Variants in DLG4 observed in about 807,000 individuals in gnomAD.
DLG4 encodes the protein discs large MAGUK scaffold protein 4, also known as disks large homolog 4.
DLG4 carries 7 observed loss-of-function variants against 93.8 expected under a neutral mutation model. That is an observed-to-expected ratio of 0.07 (90% CI 0.04 to 0.14). The LOEUF (loss-of-function observed/expected upper bound fraction) is 0.14. Among genes scored for constraint, DLG4 ranks in the 10% least tolerant of loss-of-function variants. The pLI, the probability that DLG4 is intolerant of heterozygous loss-of-function variation, is 1.00. For missense variants in DLG4, 545 were observed against 992.9 expected (o/e 0.55, Z 6.06); for synonymous variants, 341 against 387.6 (o/e 0.88, Z 1.41).
intron 1 of DLG4, among the ~76,000 whole-genome samples, chr17:7,209,101 A>G (rs1174092378): frequency 6.6e-6 from 1 of 152,088 alleles, no homozygotes; most frequent in African/African-American, 2.4e-5. Context: ...CTGGTTGGGG[A>G]GGAGGGTAGC....
chr17:7,207,901 AG>A lies in DLG4; in HGVS notation c.96+272del, dbSNP rs1449706839. Among the ~76,000 whole-genome samples the A allele has an allele frequency of 3.3e-5, 5 of 151,910 alleles. No individual in the cohort carries two copies. The East Asian group carries it at 9.7e-4, about 29-fold the overall frequency. ...TCCTCTGTGGGACCAAGGTGTTTCCAGCCCCACAAACGCCCCCTCCCCCAGA... is the reference window on the plus strand; with the variant it reads ...TCCTCTGTGGGACCAAGGTGTTTCCACCCCACAAACGCCCCCTCCCCCAGA... On this transcript the variant is annotated intron_variant, in intron 2 of 19. Transcript: ENST00000399506.
In DLG4 at chr17:7,193,631, G is replaced by C; in HGVS notation, c.1591+36C>G. ...GGCCGAGCGCAGGGTTGGGGGAGCA[G>C]CAAGTGCTGGGGCCAAGGCAGGGGC... On this transcript the variant is annotated intron_variant, in intron 15 of 19. Coordinates refer to ENST00000399506, the MANE Select transcript of DLG4 (RefSeq NM_001321075.3). This position sits in a 1 kb window ranked among gnomAD's most constrained non-coding sequence, Gnocchi z 6.7. 2 of 1,530,752 alleles carry C rather than the reference G, an allele frequency of 1.3e-6. No individual in the cohort carries two copies. Among genetic ancestry groups the C allele is most frequent in the Non-Finnish European group, 1.8e-6 (2 of 1,141,396 alleles). 94.8% of individuals were successfully genotyped at this position (1,530,752 alleles called of 1,614,324 possible).
At chr17:7,198,185 TA>T (rs1186360717) in intron 8 of DLG4, among the ~76,000 whole-genome samples, 1 of 151,894 alleles carries the variant, frequency 6.6e-6, no homozygotes, top group Non-Finnish European at 1.5e-5. Context: ...AATTCTTCTG[TA>T]AAAAAGAAAA....
rs2069643392 is a variant in DLG4 at position 7,194,089 on chromosome 17, A to G, written c.1479-89T>C. 3 of 1,519,086 alleles carry G rather than the reference A, an allele frequency of 2.0e-6. No homozygotes were observed. Among genetic ancestry groups the G allele is most frequent in the Non-Finnish European group, 2.7e-6 (3 of 1,118,906 alleles). 94.1% of individuals were successfully genotyped at this position (1,519,086 alleles called of 1,614,324 possible). On this transcript the variant is annotated intron_variant, in intron 12 of 19. Coordinates refer to ENST00000399506, the MANE Select transcript of DLG4 (RefSeq NM_001321075.3). The surrounding 1 kb of genome is among the most constrained non-coding windows in gnomAD (Gnocchi z 4.4). ...TGAGCCAGCTGACAACCCCTTCTCC[A>G]TACTCTGGGCCAGCTGACACCCCTT...
In DLG4 at chr17:7,189,499, A is replaced by C. The variant is rs909386099; in HGVS notation, c.*1209T>G. 1.3e-4 allele frequency among the ~76,000 whole-genome samples: 20 copies of C among 151,692 alleles called. No homozygotes were observed. The highest frequency in any genetic ancestry group is 4.1e-4 in the African/African-American group (17 of 41,064). On this transcript the variant is annotated 3_prime_UTR_variant, in exon 20 of 20. Transcript: ENST00000399506. ...GCAAGACTCTGTCTCAAAAAAAAAAACAAAAAAACAAAAAAAATCATTTCC... is the reference window on the plus strand; with the variant it reads ...GCAAGACTCTGTCTCAAAAAAAAAACCAAAAAAACAAAAAAAATCATTTCC...
intron 8 of DLG4, among the ~76,000 whole-genome samples, chr17:7,202,500 C>A (rs1441009324): frequency 1.3e-5 from 2 of 152,216 alleles, no homozygotes; most frequent in African/African-American, 4.8e-5. Context: ...ATTGTAAACT[C>A]TTGTATCTCT....
Position 7,203,526 on chromosome 17 carries a change from C to T in DLG4, c.403G>A (p.Glu135Lys). Residue 135 changes from glutamate to lysine, a missense_variant, in exon 6 of 20, where the codon GAA becomes AAA. Coordinates refer to ENST00000399506, the MANE Select transcript of DLG4 (RefSeq NM_001321075.3). This position sits in a 1 kb window ranked among gnomAD's most constrained non-coding sequence, Gnocchi z 7.2. ...ATGGAGCCTGCCTCTTTGAGGGCTT[C>T]CACCGCCGCTGAGTGGGTCACCTCG... Reference protein sequence around the residue: ...VREVTHSAAVEALKEAGSIVR... With the variant: ...VREVTHSAAVKALKEAGSIVR... The T allele has an allele frequency of 6.2e-7, 1 of 1,613,680 alleles. No individual in the cohort carries two copies. The highest frequency in any genetic ancestry group is 8.5e-7 in the Non-Finnish European group (1 of 1,179,690).
chr17:7,219,978 T>C, upstream of DLG4: 2 of 1,601,080 alleles, frequency 1.2e-6, no homozygotes, highest in Non-Finnish European at 1.7e-6. Context: ...CCCGGAGAGA[T>C]TCGGAGATGC....
chr17:7,191,157 G>A lies in DLG4; in HGVS notation c.2068+110C>T, dbSNP rs536845170. ...TTACAGGCGTGAGCCACCATGCCGC[G>A]CCCACAGGGGCACCTCTTTCTAAGC... On this transcript the variant is annotated intron_variant, in intron 19 of 19. Coordinates refer to ENST00000399506, the MANE Select transcript of DLG4 (RefSeq NM_001321075.3). This position sits in a 1 kb window ranked among gnomAD's most constrained non-coding sequence, Gnocchi z 6.6. 57 of 1,010,150 alleles carry A rather than the reference G, an allele frequency of 5.6e-5. No individual in the cohort carries two copies. Among genetic ancestry groups the A allele is most frequent in the South Asian group, 2.8e-4 (20 of 72,426 alleles). The allele number at this position is 1,010,150 out of a possible 1,614,324, so 62.6% of individuals were successfully genotyped here.
At position 7,210,568 on chromosome 17, in the gene DLG4, TC is replaced by T. The variant is rs375685253; in HGVS notation, c.31-2330del. 1.7e-3 allele frequency among the ~76,000 whole-genome samples: 261 copies of T among 152,242 alleles called. 2 individuals are homozygous for T. Among genetic ancestry groups the T allele is most frequent in the African/African-American group, 6.1e-3 (255 of 41,536 alleles). Reference sequence around the variant, plus strand: ...ACCAACAGAGACTGTTCATTCCACATCCTGAGAAGGTGGTCTTCTACCTGGG... The same window carrying T: ...ACCAACAGAGACTGTTCATTCCACATCTGAGAAGGTGGTCTTCTACCTGGG... On this transcript the variant is annotated intron_variant, in intron 1 of 19. Coordinates refer to ENST00000399506, the MANE Select transcript of DLG4 (RefSeq NM_001321075.3).
At chr17:7,206,093 A>G (rs2070452486) in intron 2 of DLG4, among the ~76,000 whole-genome samples, 1 of 150,872 alleles carries the variant, frequency 6.6e-6, no homozygotes, top group South Asian at 2.1e-4. Flanking sequence ...CTCCATCCCA[A>G]TTTCTTTTTT....
upstream of DLG4, chr17:7,218,782 C>T: frequency 6.2e-7 from 1 of 1,611,642 alleles, no homozygotes; most frequent in East Asian, 2.2e-5. Context: ...AGCCCCAGCC[C>T]CCCACTTCGC....
Position 7,195,033 on chromosome 17 carries a change from A to G in DLG4, c.1302-538T>C, listed in dbSNP as rs2069702203. Among the ~76,000 whole-genome samples the G allele has an allele frequency of 7.4e-6, 1 of 135,650 alleles. No individual in the cohort carries two copies. The highest frequency in any genetic ancestry group is 1.8e-5 in the Non-Finnish European group (1 of 56,810). 89.0% of individuals were successfully genotyped at this position (135,650 alleles called of 152,430 possible). On this transcript the variant is annotated intron_variant, in intron 11 of 19. Coordinates refer to ENST00000399506, the MANE Select transcript of DLG4 (RefSeq NM_001321075.3). This position sits in a 1 kb window ranked among gnomAD's most constrained non-coding sequence, Gnocchi z 4.3. ...GACACCGTCTCAAAAAAAAAAAAAA[A>G]GAAAAAGAAAAAGAAAAACAGAAAG...
chr17:7,219,834 T>C (rs1024676782), upstream of DLG4: 29 of 1,537,336 alleles, frequency 1.9e-5, no homozygotes, highest in Non-Finnish European at 2.4e-5. Context: ...TCCAGGGAAC[T>C]ACAGCTCCCA....
intron 17 of DLG4, 29 bp from the exon 18 acceptor site, chr17:7,192,031 G>C: frequency 7.7e-7 from 1 of 1,290,406 alleles, no homozygotes; most frequent in Non-Finnish European, 1.0e-6. Flanking sequence ...GGCGGAGGGG[G>C]GCCAGCGGGT....
At chr17:7,209,956 T>G (rs1257399762) in intron 1 of DLG4, among the ~76,000 whole-genome samples, 1 of 152,092 alleles carries the variant, frequency 6.6e-6, no homozygotes, top group Non-Finnish European at 1.5e-5. Flanking sequence ...GCAGGAGAAT[T>G]GCTTGAACCT....
chr17:7,215,285 C>T (rs2070861907), intron 1 of DLG4, among the ~76,000 whole-genome samples: 1 of 152,218 alleles, frequency 6.6e-6, no homozygotes, highest in Non-Finnish European at 1.5e-5. Flanking sequence ...AGCCTCCTTC[C>T]TTCAGGGATG....
Position 7,187,496 on chromosome 17 carries a change from A to C in DLG4, c.*3212T>G, listed in dbSNP as rs2069327887. On this transcript the variant is annotated 3_prime_UTR_variant, in exon 20 of 20. Transcript: ENST00000399506. ...GGAAGGCAGAGGTTGCAGTGAGCAG[A>C]GATCGCACCACTGCACTCCAGCCTG... is the stretch of plus-strand genomic sequence containing the variant. Among the ~76,000 whole-genome samples, 2 of 151,844 alleles carry C rather than the reference A, an allele frequency of 1.3e-5. No individual in the cohort carries two copies. The highest frequency in any genetic ancestry group is 6.6e-5 in the Admixed American group (1 of 15,220).
upstream of DLG4, chr17:7,219,368 A>T: frequency 9.9e-7 from 1 of 1,007,690 alleles, no homozygotes; most frequent in South Asian, 3.9e-5. Context: ...CAGAGGCTTT[A>T]CTAAGGGAGG....
Sources: gnomAD v4.1 joint callset for allele counts (sites outside exome capture counted in the v4.1 genomes callset) on GRCh38, gnomAD v4.1.1 for gene constraint, Gnocchi (gnomAD v3.1) non-coding constraint, MANE v1.5 for transcripts, NCBI Gene and HGNC (gene_info 2026-07-23, HGNC 2026-07-21) for gene names.